The following SBF1 variants were observed in gnomAD, a reference collection of about 807,000 sequenced individuals.
SBF1 encodes myotubularin-related protein 5.
Under a neutral mutation model 215.8 loss-of-function variants are expected in SBF1, and 65 were observed. That is an observed-to-expected ratio of 0.30 (90% CI 0.25 to 0.37). The LOEUF (loss-of-function observed/expected upper bound fraction) is 0.37, where lower values mean the gene tolerates loss of function less well. SBF1 is among the 10% of genes least tolerant of loss of function. The pLI, the probability that SBF1 is intolerant of heterozygous loss-of-function variation, is 1.00. For missense variants in SBF1, 2,634 were observed against 2,667.8 expected (o/e 0.99, Z 0.28); for synonymous variants, 1,410 against 1,122.8 (o/e 1.26, Z -5.11).
At chr22:50,467,298 G>T (rs760806586) in intron 5 of SBF1, 40 bp downstream of exon 5, 10 of 1,537,012 alleles carry the variant, frequency 6.5e-6, no homozygotes, top group South Asian at 1.1e-5. Flanking sequence ...CAGCAGGAGG[G>T]CCTGTGGCTG....
chr22:50,459,138 C>A (rs1036619178), intron 28 of SBF1, 117 bp downstream of exon 28: 9 of 1,412,760 alleles, frequency 6.4e-6, no homozygotes, highest in Admixed American at 2.5e-5. Context: ...ATCCCACACC[C>A]AAACATCCAT....
chr22:50,474,309 G>A lies in SBF1; in HGVS notation c.55+477C>T, dbSNP rs1336114990. 6.6e-5 allele frequency among the ~76,000 whole-genome samples: 10 copies of A among 152,332 alleles called. No individual in the cohort carries two copies. In the East Asian group the frequency reaches 7.7e-4, roughly 12 times the overall value. On this transcript the variant is annotated intron_variant, in intron 1 of 40. Coordinates refer to ENST00000380817, the MANE Select transcript of SBF1 (RefSeq NM_002972.4). The stretch of plus-strand genomic sequence containing the variant: ...CCCCTCTTTGCACCCCGCCAAGACC[G>A]CCGGGGGCTTCAGACGGAGCACCAA...
chr22:50,471,652 G>A (rs12484567), intron 1 of SBF1, among the ~76,000 whole-genome samples: 2,526 of 152,186 alleles, frequency 0.017, 22 homozygotes, highest in Middle Eastern at 0.027. Context: ...CAGGCCATGC[G>A]CAGGGCCCCT....
Position 50,457,080 on chromosome 22 carries a change from C to CA in SBF1, c.3857dup (p.Ser1287ValfsTer17). ...AGGCCGAGGCCGCCATGGGGTTGGA[C>CA]AGCGTGGTGACCCTGGCTCTGGGGC... is the stretch of plus-strand genomic sequence containing the variant. On this transcript the variant is annotated frameshift_variant, in exon 29 of 41. Coordinates refer to ENST00000380817, the MANE Select transcript of SBF1 (RefSeq NM_002972.4). LOFTEE classifies it high-confidence loss of function. The CA allele has an allele frequency of 6.7e-7, 1 of 1,488,598 alleles. No homozygotes were observed. The highest frequency in any genetic ancestry group is 8.9e-7 in the Non-Finnish European group (1 of 1,127,206). 92.2% of individuals were successfully genotyped at this position (1,488,598 alleles called of 1,614,324 possible).
chr22:50,449,422 C>T (rs1569508723), intron 36 of SBF1, among the ~76,000 whole-genome samples: 1 of 152,088 alleles, frequency 6.6e-6, no homozygotes, highest in South Asian at 2.1e-4. Context: ...CAAGACCAGC[C>T]TGGCCAAGAT....
At position 50,455,085 on chromosome 22, in the gene SBF1, C is replaced by A. The variant is rs200471909; in HGVS notation, c.4612G>T (p.Gly1538Cys). The A allele has an allele frequency of 2.5e-6, 4 of 1,614,064 alleles. No homozygotes were observed. Among genetic ancestry groups the A allele is most frequent in the Non-Finnish European group, 3.4e-6 (4 of 1,180,014 alleles). ...EFSQFYLKFL[G>C]YHHVSRRFRT... Reference sequence around the variant, plus strand: ...AAACGGCGGGACACATGGTGGTAGCCGAGGAACTTGAGGTAGAACTGGCTG... The same window carrying A: ...AAACGGCGGGACACATGGTGGTAGCAGAGGAACTTGAGGTAGAACTGGCTG... The change falls in exon 34 of 41, where the codon GGC becomes TGC. Residue 1538 changes from glycine (G) to cysteine (C), a missense_variant. Gly to Cys is a radical substitution (Grantham distance 159, BLOSUM62 -3). Coordinates refer to ENST00000380817, the MANE Select transcript of SBF1 (RefSeq NM_002972.4).
intron 1 of SBF1, among the ~76,000 whole-genome samples, chr22:50,473,598 G>T (rs932560641): frequency 2.0e-5 from 3 of 152,202 alleles, no homozygotes; most frequent in African/African-American, 7.2e-5. Flanking sequence ...AGACGAAGAA[G>T]ATGCTAAAGA....
chr22:50,465,458 C>G, intron 10 of SBF1, 130 bp from the exon 11 acceptor site: 1 of 798,934 alleles, frequency 1.3e-6, no homozygotes, highest in South Asian at 1.7e-5. Flanking sequence ...TCCCACCATT[C>G]TGCACTCAGG....
rs562272117 is a variant in SBF1, at chr22:50,459,396, G to C, written c.3689-4C>G. On this transcript the variant is annotated splice_region_variant and splice_polypyrimidine_tract_variant and intron_variant, in intron 27 of 40. Coordinates refer to ENST00000380817, the MANE Select transcript of SBF1 (RefSeq NM_002972.4). Reference sequence around the variant, plus strand: ...CTCGAGTCCGCCTGGGACTGGCCTGGGGGAGGACACGGAGCTGAGGGAGGG... The same window carrying C: ...CTCGAGTCCGCCTGGGACTGGCCTGCGGGAGGACACGGAGCTGAGGGAGGG... 1 of 1,612,158 alleles carries C rather than the reference G, an allele frequency of 6.2e-7. No individual in the cohort carries two copies. Among genetic ancestry groups the C allele is most frequent in the African/African-American group, 1.3e-5 (1 of 75,042 alleles).
At position 50,455,478 on chromosome 22, in the gene SBF1, C is replaced by T. The variant is rs770998575; in HGVS notation, c.4368+3G>A. 3.1e-6 allele frequency: 5 copies of T among 1,611,038 alleles called. No homozygotes were observed. The highest frequency in any genetic ancestry group is 1.3e-5 in the African/African-American group (1 of 74,816). On this transcript the variant is annotated splice_donor_region_variant and intron_variant, in intron 32 of 40. Transcript: ENST00000380817. ...GCCCACCCCAGCCCCACGCGCCACA[C>T]ACCTGGGTGGTGATGTCCCAGCCAT...
chr22:50,461,441 G>A, intron 22 of SBF1, 82 bp downstream of exon 22: 1 of 1,505,268 alleles, frequency 6.6e-7, no homozygotes, highest in Non-Finnish European at 8.9e-7. Flanking sequence ...CCGAGAAAAG[G>A]GAGAGGGAGG....
intron 36 of SBF1, among the ~76,000 whole-genome samples, chr22:50,453,302 G>T (rs779630700): frequency 6.6e-6 from 1 of 152,232 alleles, no homozygotes; most frequent in Non-Finnish European, 1.5e-5. Flanking sequence ...AGCATCGCTA[G>T]AGAGAAAAAG....
At chr22:50,462,973 C>T (rs370165302) in intron 16 of SBF1, 35 bp from the exon 17 acceptor site, 33 of 1,581,032 alleles carry the variant, frequency 2.1e-5, no homozygotes, top group Non-Finnish European at 2.6e-5. Flanking sequence ...AGGACCTCTC[C>T]CCTCCCAGGC....
Position 50,447,644 on chromosome 22 carries a change from G to A in SBF1, c.5364-35C>T, listed in dbSNP as rs779048711. 81 of 1,495,300 alleles carry A rather than the reference G, an allele frequency of 5.4e-5. 1 individual carries two copies. In the Middle Eastern group the frequency reaches 1.4e-3, roughly 26 times the overall value. 92.6% of individuals were successfully genotyped at this position (1,495,300 alleles called of 1,614,324 possible). On this transcript the variant is annotated intron_variant, in intron 38 of 40. Coordinates refer to ENST00000380817, the MANE Select transcript of SBF1 (RefSeq NM_002972.4). ...CAGCAGAACCAGGGCCAGGCTGACC[G>A]TCATGGCCCAGCCAAGCCCAGGCCC... is the stretch of plus-strand genomic sequence containing the variant.
chr22:50,464,544 C>T lies in SBF1; in HGVS notation c.1626G>A (p.Gly542=). 6.2e-7 allele frequency: 1 copy of T among 1,610,124 alleles called. No homozygotes were observed. The highest frequency in any genetic ancestry group is 1.1e-5 in the South Asian group (1 of 90,560). ...KAERRTTVPS[G]PPMTAILERC... is the part of the protein sequence containing the mutation. ...TCCCTCATTACGCACTCATGGGGGGCCCTGAGGGCACGGTGGTCCTCCTCT... is the reference window on the plus strand; with the variant it reads ...TCCCTCATTACGCACTCATGGGGGGTCCTGAGGGCACGGTGGTCCTCCTCT... The change falls in exon 14 of 41, where the codon GGG becomes GGA. Residue 542 remains glycine, a synonymous_variant. Transcript: ENST00000380817.
In SBF1 at chr22:50,464,590, G is replaced by A; in HGVS notation, c.1580C>T (p.Ala527Val). Residue 527 changes from alanine (A) to valine (V), a missense_variant, in exon 14 of 41, where the codon GCA becomes GTA. Physicochemically the swap from Ala to Val is moderately conservative, Grantham distance 64 (BLOSUM62 0). Transcript: ENST00000380817. ...VDQAAAKMQG[A>V]PPAVKAERRT... ...CCTCTCGGCCTTCACAGCTGGGGGT[G>A]CACCCTGCATCTTGGCTGCAGCCTG... is the stretch of plus-strand genomic sequence containing the variant. 1 of 1,611,906 alleles carries A rather than the reference G, an allele frequency of 6.2e-7. No homozygotes were observed.
At chr22:50,448,121 A>T (rs1054327510) in intron 38 of SBF1, 112 bp downstream of exon 38, 16 of 979,742 alleles carry the variant, frequency 1.6e-5, no homozygotes, top group Non-Finnish European at 2.0e-5. Flanking sequence ...GTGGTGGTGT[A>T]TACTTAAGCA....
intron 3 of SBF1, 31 bp from the exon 4 acceptor site, chr22:50,467,721 G>A (rs554982919): frequency 6.2e-7 from 1 of 1,607,412 alleles, no homozygotes; most frequent in Admixed American, 1.7e-5. Context: ...ACGGGGGCAG[G>A]GGGAGTTGGC....
intron 28 of SBF1, 134 bp from the exon 29 acceptor site, chr22:50,457,245 C>T (rs1323834007): frequency 6.1e-6 from 4 of 650,474 alleles, no homozygotes; most frequent in Non-Finnish European, 9.4e-6. Context: ...GCCCCAAGTC[C>T]CTGATCGCAG....
Sources: allele counts gnomAD v4.1 joint callset (sites outside exome capture counted in the v4.1 genomes callset), GRCh38; gene constraint gnomAD v4.1.1; transcripts MANE v1.5; gene names NCBI Gene and HGNC (gene_info 2026-07-23, HGNC 2026-07-21).